Variants in MACROD2 observed in about 807,000 individuals in gnomAD.
MACROD2 encodes ADP-ribose glycohydrolase MACROD2.
A neutral mutation model predicts 70.4 loss-of-function variants in MACROD2; 36 were observed. That is an observed-to-expected ratio of 0.51 (90% CI 0.39 to 0.68). The LOEUF (loss-of-function observed/expected upper bound fraction) is 0.68, where lower values mean the gene tolerates loss of function less well. MACROD2 is among the 30% of genes least tolerant of loss of function. MACROD2 has a pLI of 0.00. For missense variants in MACROD2, 496 were observed against 538.4 expected, an observed-to-expected ratio of 0.92 and a Z score of 0.78; for synonymous variants, 172 against 178.8, an observed-to-expected ratio of 0.96 and a Z score of 0.30.
intron 6 of MACROD2, among the ~76,000 whole-genome samples, chr20:15,401,384 T>C (rs1448895620): frequency 1.3e-5 from 2 of 152,168 alleles, no homozygotes; most frequent in East Asian, 3.9e-4. Context: ...GCAGAGCAAC[T>C]ATCTTTCACG....
At chr20:14,445,069 A>T (rs2084168652) in intron 3 of MACROD2, among the ~76,000 whole-genome samples, 1 of 151,808 alleles carries the variant, frequency 6.6e-6, no homozygotes, top group Non-Finnish European at 1.5e-5. Flanking sequence ...TTTAAATTAG[A>T]TTATGTCATT....
chr20:14,427,362 TCTCTGGAAG>T (rs2083945216), intron 3 of MACROD2, among the ~76,000 whole-genome samples: 2 of 151,954 alleles, frequency 1.3e-5, no homozygotes, highest in African/African-American at 4.8e-5. Flanking sequence ...GTCTACAGCT[TCTCTGGAAG>T]CTCTCAGTTT....
chr20:16,015,086 A>G lies in MACROD2; in HGVS notation c.1154-26115A>G, dbSNP rs141968587. Among the ~76,000 whole-genome samples the G allele has an allele frequency of 1.8e-3, 275 of 152,240 alleles. 2 individuals are homozygous for G. The highest frequency in any genetic ancestry group is 6.5e-3 in the African/African-American group (270 of 41,546). Reference sequence around the variant, plus strand: ...TTTATTATTTTAGCCTTGTGACTGTATATTGTTTGCCCTTAAAGACTAAGA... The same window carrying G: ...TTTATTATTTTAGCCTTGTGACTGTGTATTGTTTGCCCTTAAAGACTAAGA... On this transcript the variant is annotated intron_variant, in intron 15 of 17. Coordinates refer to ENST00000684519, the MANE Select transcript of MACROD2 (RefSeq NM_001351661.2).
At chr20:14,940,419 A>G (rs1247286324) in intron 5 of MACROD2, among the ~76,000 whole-genome samples, 1 of 152,188 alleles carries the variant, frequency 6.6e-6, no homozygotes, top group East Asian at 1.9e-4. Flanking sequence ...TGCTTTGGCC[A>G]TGACTTCTAG....
chr20:14,163,033 T>C (rs2055213159), intron 3 of MACROD2, among the ~76,000 whole-genome samples: 1 of 152,162 alleles, frequency 6.6e-6, no homozygotes, highest in African/African-American at 2.4e-5. Context: ...TTGTGTTTGC[T>C]TCACCAGTGG....
intron 17 of MACROD2, among the ~76,000 whole-genome samples, chr20:16,045,360 G>C (rs2067365397): frequency 6.6e-6 from 1 of 152,122 alleles, no homozygotes. Context: ...TCCAAAGCCA[G>C]TACTGCTTGC....
chr20:15,883,078 A>G (rs139118051), intron 9 of MACROD2, among the ~76,000 whole-genome samples: 3 of 152,150 alleles, frequency 2.0e-5, no homozygotes, highest in African/African-American at 4.8e-5. Context: ...TTAAGTTTCT[A>G]TCCATCTTGG....
intron 3 of MACROD2, among the ~76,000 whole-genome samples, chr20:14,317,187 A>C (rs140839598): frequency 1.8e-4 from 27 of 152,078 alleles, no homozygotes; most frequent in African/African-American, 6.5e-4. Flanking sequence ...CTGACTCTTT[A>C]TCTCTCGGGT....
At chr20:14,630,169 A>G (rs1178873005) in intron 4 of MACROD2, among the ~76,000 whole-genome samples, 1 of 152,124 alleles carries the variant, frequency 6.6e-6, no homozygotes, top group East Asian at 1.9e-4. Context: ...CCTCTTAACC[A>G]TCCTGTTACC....
intron 5 of MACROD2, chr20:14,884,176 C>T (rs1296014992): frequency 1.3e-5 from 2 of 152,162 alleles, no homozygotes; most frequent in Non-Finnish European, 2.9e-5. Context: ...AAAATCATGA[C>T]AATTTCTCTT....
intron 8 of MACROD2, among the ~76,000 whole-genome samples, chr20:15,779,877 G>C (rs925662816): frequency 4.6e-5 from 7 of 152,212 alleles, no homozygotes; most frequent in Middle Eastern, 3.4e-3. Context: ...AGTTGTGTTG[G>C]AGCCTTATTG....
chr20:14,485,336 G>C (rs764431096), intron 3 of MACROD2, among the ~76,000 whole-genome samples: 1 of 152,188 alleles, frequency 6.6e-6, no homozygotes, highest in Non-Finnish European at 1.5e-5. Context: ...ATTGATAAAA[G>C]AGAAATTTAT....
chr20:15,321,265 T>A (rs1257954740), intron 6 of MACROD2, among the ~76,000 whole-genome samples: 1 of 144,132 alleles, frequency 6.9e-6, no homozygotes, highest in Non-Finnish European at 1.6e-5. Flanking sequence ...AGTTTCCCAA[T>A]GTCTAACTTG....
intron 5 of MACROD2, among the ~76,000 whole-genome samples, chr20:14,776,822 C>T (rs2072240511): frequency 6.6e-6 from 1 of 152,028 alleles, no homozygotes; most frequent in African/African-American, 2.4e-5. Context: ...ACACTTTCTC[C>T]AGTCACTATC....
Position 14,633,415 on chromosome 20 carries a change from A to G in MACROD2, c.302-51428A>G, listed in dbSNP as rs184501105. On this transcript the variant is annotated intron_variant, in intron 4 of 17. Transcript: ENST00000684519. ...TTCATATTTAATCTTCTTCAAAGGA[A>G]ATTGAAGCCAATGAGAAAAGCAGTT... is the stretch of plus-strand genomic sequence containing the variant. 4.9e-4 allele frequency among the ~76,000 whole-genome samples: 74 copies of G among 152,286 alleles called. 1 individual carries two copies. In the East Asian group the frequency reaches 0.012, roughly 25 times the overall value.
chr20:15,460,991 TATATATATATATA>T (rs1568825036), intron 7 of MACROD2, among the ~76,000 whole-genome samples: 2 of 80,530 alleles, frequency 2.5e-5, no homozygotes, highest in Non-Finnish European at 5.3e-5. Flanking sequence ...TATATATATA[TATATATATATATA>T]TATTTTTTTT....
intron 6 of MACROD2, among the ~76,000 whole-genome samples, chr20:15,237,406 G>A (rs774134651): frequency 3.9e-5 from 6 of 152,224 alleles, no homozygotes; most frequent in South Asian, 2.1e-4. Flanking sequence ...TCTTCATTGC[G>A]TGTTCTAGTG....
chr20:15,098,706 ATGG>A (rs1305074099), intron 5 of MACROD2, among the ~76,000 whole-genome samples: 1 of 152,232 alleles, frequency 6.6e-6, no homozygotes, highest in Non-Finnish European at 1.5e-5. Context: ...AGAAGTTATG[ATGG>A]TGGTAGAACA....
chr20:15,075,326 T>A (rs1291911540), intron 5 of MACROD2, among the ~76,000 whole-genome samples: 2 of 152,242 alleles, frequency 1.3e-5, no homozygotes, highest in African/African-American at 4.8e-5. Context: ...TAATTGTATT[T>A]TATTAGTTCT....
Sources: allele counts gnomAD v4.1 joint callset (sites outside exome capture counted in the v4.1 genomes callset), GRCh38; gene constraint gnomAD v4.1.1; transcripts MANE v1.5; gene names NCBI Gene and HGNC (gene_info 2026-07-23, HGNC 2026-07-21).